Variants in OPCML observed in about 807,000 individuals in gnomAD.
OPCML encodes opioid binding protein/cell adhesion molecule like, also known as opioid-binding protein/cell adhesion molecule.
A neutral mutation model predicts 37.8 loss-of-function variants in OPCML; 13 were observed. That is an observed-to-expected ratio of 0.34 (90% CI 0.22 to 0.55). The LOEUF (loss-of-function observed/expected upper bound fraction) is 0.55. Among genes scored for constraint, OPCML ranks in the 20% least tolerant of loss-of-function variants. The probability of loss-of-function intolerance (pLI) is 0.91; values close to 1 mark genes in which losing one functional copy is unlikely to be tolerated. For missense variants in OPCML, 341 were observed against 435.6 expected, an observed-to-expected ratio of 0.78 and a Z score of 1.93; for synonymous variants, 176 against 168.8, an observed-to-expected ratio of 1.04 and a Z score of -0.33.
chr11:132,828,118 C>T (rs899163694), intron 2 of OPCML, among the ~76,000 whole-genome samples: 13 of 152,138 alleles, frequency 8.5e-5, no homozygotes, highest in Middle Eastern at 3.4e-3. Context: ...AAATGCATGT[C>T]GCTAAGTGGA....
chr11:132,564,841 G>A (rs1591557446), intron 3 of OPCML, among the ~76,000 whole-genome samples: 1 of 152,180 alleles, frequency 6.6e-6, no homozygotes, highest in Non-Finnish European at 1.5e-5. Context: ...ACGGGGTATG[G>A]TAGACAGAAA....
intron 2 of OPCML, among the ~76,000 whole-genome samples, chr11:132,715,251 A>G (rs775247824): frequency 1.3e-5 from 2 of 152,238 alleles, no homozygotes; most frequent in Non-Finnish European, 2.9e-5. Context: ...CATCTGTTCA[A>G]CACAGACTTA....
intron 1 of OPCML, among the ~76,000 whole-genome samples, chr11:133,027,470 AGTGTGT>A (rs112879269): frequency 1.2e-4 from 18 of 144,894 alleles, no homozygotes; most frequent in African/African-American, 3.1e-4. Context: ...TGGTCTATGT[AGTGTGT>A]GTGTGTGTGT....
intron 2 of OPCML, among the ~76,000 whole-genome samples, chr11:132,894,578 G>A (rs1943766938): frequency 6.6e-6 from 1 of 152,172 alleles, no homozygotes; most frequent in Non-Finnish European, 1.5e-5. Flanking sequence ...GCATTATAGT[G>A]GGATGTGTCT....
chr11:133,362,627 G>C (rs1007332114), intron 1 of OPCML, among the ~76,000 whole-genome samples: 2 of 152,188 alleles, frequency 1.3e-5, no homozygotes, highest in African/African-American at 4.8e-5. Flanking sequence ...TGAAGAGCGG[G>C]GGCTGGCTGA....
chr11:132,681,376 G>T (rs1229118732), intron 2 of OPCML, among the ~76,000 whole-genome samples: 2 of 152,160 alleles, frequency 1.3e-5, no homozygotes, highest in Non-Finnish European at 2.9e-5. Context: ...GGGAGAAGAG[G>T]AGAAGCAGCT....
chr11:133,291,994 A>G (rs961036765), intron 1 of OPCML, among the ~76,000 whole-genome samples: 1 of 152,158 alleles, frequency 6.6e-6, no homozygotes, highest in African/African-American at 2.4e-5. Flanking sequence ...AGTTTTATAA[A>G]CTATTTATTA....
intron 1 of OPCML, among the ~76,000 whole-genome samples, chr11:133,143,904 G>C (rs1949860698): frequency 6.6e-6 from 1 of 152,218 alleles, no homozygotes; most frequent in African/African-American, 2.4e-5. Flanking sequence ...GGCAGGAAGA[G>C]GTAAGAGAGA....
At chr11:133,498,543 A>G (rs1947835399) in intron 1 of OPCML, among the ~76,000 whole-genome samples, 2 of 152,172 alleles carry the variant, frequency 1.3e-5, no homozygotes, top group African/African-American at 2.4e-5. Context: ...CCCAGGGCCT[A>G]AGACAACTGT....
chr11:133,170,444 C>A lies in OPCML; in HGVS notation c.62-227434G>T, dbSNP rs530004583. ...GAGCTTGCAGTCAGCCTAGATCGTG[C>A]CACTGCACTCCAGCCTGGGCGACAG... On this transcript the variant is annotated intron_variant, in intron 1 of 7. Coordinates refer to ENST00000524381, the MANE Select transcript of OPCML (RefSeq NM_001012393.5). 2.6e-5 allele frequency among the ~76,000 whole-genome samples: 4 copies of A among 152,314 alleles called. No individual in the cohort carries two copies. The South Asian group carries it at 6.2e-4, about 24-fold the overall frequency.
intron 4 of OPCML, among the ~76,000 whole-genome samples, chr11:132,498,031 C>T (rs557743810): frequency 7.0e-4 from 106 of 152,208 alleles, no homozygotes; most frequent in African/African-American, 2.0e-3. Context: ...TTAGACAACA[C>T]GATAAATTAT....
At chr11:133,422,574 C>T (rs1945914973) in intron 1 of OPCML, 1 of 955,194 alleles carries the variant, frequency 1.0e-6, no homozygotes, top group African/African-American at 1.8e-5. Context: ...GAACATGCTC[C>T]TCAAACTCCT....
At chr11:133,183,676 A>T (rs888200610) in intron 1 of OPCML, among the ~76,000 whole-genome samples, 4 of 152,192 alleles carry the variant, frequency 2.6e-5, no homozygotes, top group African/African-American at 9.7e-5. Flanking sequence ...GATACAAAGG[A>T]TTACAAGGTT....
chr11:133,297,497 T>G (rs543703477), intron 1 of OPCML: 1 of 152,332 alleles, frequency 6.6e-6, no homozygotes, highest in South Asian at 2.1e-4. Context: ...TTGGGGACTC[T>G]GTGATGTGCC....
chr11:133,335,587 T>C (rs886376139), intron 1 of OPCML, among the ~76,000 whole-genome samples: 1 of 152,236 alleles, frequency 6.6e-6, no homozygotes, highest in East Asian at 1.9e-4. Context: ...TTTTCAATGA[T>C]GGCCTCTGGA....
intron 2 of OPCML, among the ~76,000 whole-genome samples, chr11:132,689,460 A>T (rs1265195066): frequency 6.6e-6 from 1 of 152,236 alleles, no homozygotes; most frequent in African/African-American, 2.4e-5. Flanking sequence ...CACCAATCCC[A>T]TTCCCAGCTA....
At chr11:132,436,637 C>A (rs1377094630) in intron 6 of OPCML, 22 bp downstream of exon 6, 1 of 1,613,946 alleles carries the variant, frequency 6.2e-7, no homozygotes, top group African/African-American at 1.3e-5. Flanking sequence ...TCAGAACTGT[C>A]CAGGTGTCAT....
intron 4 of OPCML, among the ~76,000 whole-genome samples, chr11:132,448,393 C>T (rs904580972): frequency 5.9e-5 from 9 of 152,214 alleles, no homozygotes; most frequent in African/African-American, 2.2e-4. Context: ...CAAGCCACAA[C>T]CAGAGACATC....
intron 2 of OPCML, among the ~76,000 whole-genome samples, chr11:132,876,593 G>T (rs527569802): frequency 6.6e-6 from 1 of 152,078 alleles, no homozygotes; most frequent in African/African-American, 2.4e-5. Flanking sequence ...TCCTTTGAAC[G>T]CCAACAAGGA....
Sources: gnomAD v4.1 joint callset for allele counts (sites outside exome capture counted in the v4.1 genomes callset) on GRCh38, gnomAD v4.1.1 for gene constraint, MANE v1.5 for transcripts, NCBI Gene and HGNC (gene_info 2026-07-23, HGNC 2026-07-21) for gene names.